The following FBXO25 variants were observed in gnomAD, a reference collection of about 807,000 sequenced individuals.
FBXO25 encodes F-box protein 25.
A neutral mutation model predicts 51.9 loss-of-function variants in FBXO25; 45 were observed. The ratio of observed to expected loss-of-function variants is 0.87; its 90% CI spans 0.68 to 1.11. FBXO25 has a LOEUF of 1.11. Among genes scored for constraint, FBXO25 ranks in the 50% most tolerant of loss-of-function variants. The probability of loss-of-function intolerance (pLI) is 0.00; values close to 1 mark genes in which losing one functional copy is unlikely to be tolerated. For synonymous variants in FBXO25, 199 were observed against 151.0 expected (o/e 1.32, Z -2.33); for missense variants, 507 against 428.5 (o/e 1.18, Z -1.62).
intron 1 of FBXO25, chr8:407,491 C>T (rs1315729714): frequency 1.0e-6 from 1 of 955,654 alleles, no homozygotes; most frequent in Non-Finnish European, 1.2e-6. Context: ...GCACGGGGGC[C>T]GCCCACAGGT....
Position 447,531 on chromosome 8 carries a change from C to T in FBXO25, c.382-2459C>T, listed in dbSNP as rs533919695. 6.6e-5 allele frequency among the ~76,000 whole-genome samples: 10 copies of T among 152,206 alleles called. No homozygotes were observed. The East Asian group carries it at 1.7e-3, about 26-fold the overall frequency. On this transcript the variant is annotated intron_variant, in intron 5 of 9. Transcript: ENST00000350302. ...GGCAGGAGATCCCAGTGCAGGAATG[C>T]GACAAAACAGAAAAGAGATTTTAAT...
At chr8:458,669 A>T (rs944712538) in intron 8 of FBXO25, 118 bp downstream of exon 8, 15 of 931,586 alleles carry the variant, frequency 1.6e-5, no homozygotes, top group Non-Finnish European at 2.2e-5. Flanking sequence ...ACTTTTAAAG[A>T]ACCAGGAACA....
At chr8:426,329 T>A (rs1041962947) in intron 2 of FBXO25, among the ~76,000 whole-genome samples, 14 of 152,240 alleles carry the variant, frequency 9.2e-5, no homozygotes, top group Non-Finnish European at 1.5e-4. Flanking sequence ...GTGGCTTATA[T>A]TTTTTCCCTT....
intron 5 of FBXO25, among the ~76,000 whole-genome samples, chr8:446,366 C>G (rs1459846178): frequency 6.6e-6 from 1 of 152,154 alleles, no homozygotes; most frequent in East Asian, 1.9e-4. Context: ...TGGTCTGTTT[C>G]TTTCATGTCT....
intron 2 of FBXO25, among the ~76,000 whole-genome samples, chr8:428,988 A>G (rs2117591394): frequency 6.6e-6 from 1 of 152,328 alleles, no homozygotes; most frequent in African/African-American, 2.4e-5. Context: ...TGCAAGTAAT[A>G]CTGCTATGAA....
intron 9 of FBXO25, among the ~76,000 whole-genome samples, chr8:466,747 T>G (rs1800183712): frequency 6.6e-6 from 1 of 152,134 alleles, no homozygotes; most frequent in South Asian, 2.1e-4. Context: ...TCTACTATAT[T>G]GGAGTTCTTT....
chr8:463,430 A>T (rs1416597411), intron 9 of FBXO25, among the ~76,000 whole-genome samples: 1 of 151,754 alleles, frequency 6.6e-6, no homozygotes, highest in African/African-American at 2.4e-5. Flanking sequence ...CTTTCCTGGC[A>T]GCAGCTCCAG....
intron 6 of FBXO25, 133 bp downstream of exon 6, chr8:450,216 C>CAGA: frequency 1.9e-6 from 1 of 539,252 alleles, no homozygotes; most frequent in Non-Finnish European, 3.1e-6. Flanking sequence ...GTGATAACAT[C>CAGA]AGAAATACAG....
intron 1 of FBXO25, among the ~76,000 whole-genome samples, chr8:407,598 G>C (rs1796237687): frequency 6.6e-6 from 1 of 151,946 alleles, no homozygotes; most frequent in African/African-American, 2.4e-5. Context: ...GCTTGTGTCC[G>C]CCTCGCTGGG....
Position 468,782 on chromosome 8 carries a change from T to G in FBXO25, c.1055T>G (p.Phe352Cys). Reference sequence around the variant, plus strand: ...TTCACGCCTGTGTCTCCGCAGCACTTCATCGACCTCTTCAAGTTTTAAGGG... The same window carrying G: ...TTCACGCCTGTGTCTCCGCAGCACTGCATCGACCTCTTCAAGTTTTAAGGG... ...SCFTPVSPQH[F>C]IDLFKF The change falls in exon 10 of 10, where the codon TTC becomes TGC. Residue 352 changes from phenylalanine to cysteine, a missense_variant. Transcript: ENST00000350302. 1 of 1,614,018 alleles carries G rather than the reference T, an allele frequency of 6.2e-7. No homozygotes were observed.
chr8:468,595 G>GT (rs1800342967), intron 9 of FBXO25, 120 bp from the exon 10 acceptor site: 1 of 700,804 alleles, frequency 1.4e-6, no homozygotes, highest in African/African-American at 1.8e-5. Context: ...TATCTCCCAT[G>GT]TACCTCTGAG....
intron 8 of FBXO25, among the ~76,000 whole-genome samples, chr8:459,615 A>G (rs1799676640): frequency 6.6e-6 from 1 of 152,250 alleles, no homozygotes; most frequent in Non-Finnish European, 1.5e-5. Flanking sequence ...GCACAAGGGC[A>G]ACAGGGAAGA....
chr8:426,392 A>G (rs1429861371), intron 2 of FBXO25, among the ~76,000 whole-genome samples: 1 of 152,086 alleles, frequency 6.6e-6, no homozygotes, highest in African/African-American at 2.4e-5. Flanking sequence ...TGTAATCCCT[A>G]CTACAAAGCC....
intron 2 of FBXO25, among the ~76,000 whole-genome samples, chr8:418,932 A>G (rs532519135): frequency 6.6e-6 from 1 of 152,246 alleles, no homozygotes; most frequent in Non-Finnish European, 1.5e-5. Flanking sequence ...CTAAAACTGT[A>G]AAGTTTTAAG....
intron 5 of FBXO25, among the ~76,000 whole-genome samples, chr8:443,018 A>G (rs970646140): frequency 7.2e-5 from 11 of 152,128 alleles, no homozygotes; most frequent in African/African-American, 2.7e-4. Context: ...AGAAGGTCCA[A>G]GAAATGACAG....
chr8:429,081 G>C (rs1474234319), intron 2 of FBXO25, among the ~76,000 whole-genome samples: 2 of 152,006 alleles, frequency 1.3e-5, no homozygotes, highest in African/African-American at 2.4e-5. Flanking sequence ...TGGATCATAT[G>C]GTAATTCTAT....
rs780260734 is a variant in FBXO25 at position 432,955 on chromosome 8, T to C, written c.288+20T>C. 9 of 1,545,466 alleles carry C rather than the reference T, an allele frequency of 5.8e-6. No homozygotes were observed. In the East Asian group the frequency reaches 2.1e-4, roughly 37 times the overall value. ...AAGGAAGTAAGTATTCTATTATAAA[T>C]ATGAGAGTATCTTGTATTGTTTCTG... On this transcript the variant is annotated intron_variant, in intron 4 of 9. Coordinates refer to ENST00000350302, the MANE Select transcript of FBXO25 (RefSeq NM_183420.2).
intron 9 of FBXO25, among the ~76,000 whole-genome samples, chr8:465,550 G>A (rs751570723): frequency 5.9e-5 from 9 of 152,110 alleles, no homozygotes; most frequent in East Asian, 1.9e-4. Context: ...ACAGTCCTTC[G>A]CTTCCACATT....
chr8:408,419 A>G lies in FBXO25; in HGVS notation c.-8+1353A>G, dbSNP rs144022858. 5.3e-5 allele frequency among the ~76,000 whole-genome samples: 8 copies of G among 152,318 alleles called. 1 individual carries two copies. The highest frequency in any genetic ancestry group is 1.7e-4 in the African/African-American group (7 of 41,572). ...TATTATAAACATAGTGGTTAGGAGC[A>G]TGGATCCTGGAGTGAGACTCCATCA... On this transcript the variant is annotated intron_variant, in intron 1 of 9. Transcript: ENST00000350302.
Sources: gnomAD v4.1 joint callset for allele counts (sites outside exome capture counted in the v4.1 genomes callset) on GRCh38, gnomAD v4.1.1 for gene constraint, MANE v1.5 for transcripts, NCBI Gene and HGNC (gene_info 2026-07-23, HGNC 2026-07-21) for gene names.